Variants in SPOCK3 observed in about 807,000 individuals in gnomAD.
SPOCK3 encodes the protein testican-3.
A neutral mutation model predicts 56.6 loss-of-function variants in SPOCK3; 30 were observed. That is an observed-to-expected ratio of 0.53 (90% confidence interval 0.40 to 0.72). SPOCK3 has a LOEUF of 0.72. Among genes scored for constraint, SPOCK3 ranks in the 30% least tolerant of loss-of-function variants. The pLI, the probability that SPOCK3 is intolerant of heterozygous loss-of-function variation, is 0.00. For missense variants in SPOCK3, 527 were observed against 530.0 expected, an observed-to-expected ratio of 0.99 and a Z score of 0.06; for synonymous variants, 196 against 183.3, an observed-to-expected ratio of 1.07 and a Z score of -0.56.
intron 6 of SPOCK3, among the ~76,000 whole-genome samples, chr4:166,800,183 G>GAAACAAAAAAAAAAAAAA (rs1742413958): frequency 1.9e-5 from 1 of 51,776 alleles, no homozygotes; most frequent in Non-Finnish European, 3.6e-5. Flanking sequence ...CTCCATCTCA[G>GAAACAAAAAAAAAAAAAA]AAAAAAAAAA....
chr4:167,202,730 T>G (rs2110937820), intron 2 of SPOCK3, among the ~76,000 whole-genome samples: 1 of 151,798 alleles, frequency 6.6e-6, no homozygotes, highest in Admixed American at 6.6e-5. Flanking sequence ...AAATGAACTG[T>G]TCCCAAAATA....
intron 2 of SPOCK3, among the ~76,000 whole-genome samples, chr4:167,204,320 T>A (rs1013101093): frequency 6.6e-6 from 1 of 152,062 alleles, no homozygotes; most frequent in Non-Finnish European, 1.5e-5. Context: ...CTCACACTGC[T>A]ACGAAGAAAT....
intron 2 of SPOCK3, among the ~76,000 whole-genome samples, chr4:167,074,052 T>C (rs1304973001): frequency 2.7e-5 from 4 of 148,666 alleles, no homozygotes; most frequent in Admixed American, 2.7e-4. Flanking sequence ...CAACACACTT[T>C]CTAAAAAAAA....
chr4:166,787,921 C>A (rs2126640234), intron 7 of SPOCK3, among the ~76,000 whole-genome samples: 1 of 152,206 alleles, frequency 6.6e-6, no homozygotes, highest in South Asian at 2.1e-4. Flanking sequence ...GTGGCTCATA[C>A]CTGTAATCCC....
At chr4:166,766,754 G>C (rs1738128397) in intron 7 of SPOCK3, among the ~76,000 whole-genome samples, 1 of 152,146 alleles carries the variant, frequency 6.6e-6, no homozygotes, top group Admixed American at 6.5e-5. Flanking sequence ...AATAGTTTCA[G>C]AAGGAATGGT....
chr4:166,817,173 CACA>C (rs1744462261), intron 6 of SPOCK3, among the ~76,000 whole-genome samples: 5 of 152,024 alleles, frequency 3.3e-5, no homozygotes, highest in Admixed American at 3.3e-4. Flanking sequence ...GGCCAGATGA[CACA>C]ACAAGGACAG....
At chr4:166,932,628 T>C (rs1739921606) in intron 4 of SPOCK3, among the ~76,000 whole-genome samples, 1 of 152,284 alleles carries the variant, frequency 6.6e-6, no homozygotes, top group East Asian at 1.9e-4. Flanking sequence ...TTGGTGAATG[T>C]CAACTGATTT....
At chr4:166,925,676 AT>A (rs57461276) in intron 4 of SPOCK3, among the ~76,000 whole-genome samples, 32 of 150,144 alleles carry the variant, frequency 2.1e-4, no homozygotes, top group East Asian at 9.8e-4. Context: ...TCCAAGGTAA[AT>A]TTTTTTTTTT....
intron 6 of SPOCK3, among the ~76,000 whole-genome samples, chr4:166,843,113 C>T (rs555578441): frequency 3.3e-5 from 5 of 152,296 alleles, no homozygotes; most frequent in South Asian, 4.1e-4. Flanking sequence ...GCTCTGAGTG[C>T]GGGGCCCGCC....
Position 166,945,364 on chromosome 4 carries a change from C to T in SPOCK3, c.351-32621G>A, listed in dbSNP as rs1175566688. Among the ~76,000 whole-genome samples, 4 of 152,222 alleles carry T rather than the reference C, an allele frequency of 2.6e-5. No individual in the cohort carries two copies. In the South Asian group the frequency reaches 8.3e-4, roughly 32 times the overall value. ...ACTATAGGTTTTCAAAATTATAAATCATGATGATTCTAATATAACACTTCA... is the reference window on the plus strand; with the variant it reads ...ACTATAGGTTTTCAAAATTATAAATTATGATGATTCTAATATAACACTTCA... On this transcript the variant is annotated intron_variant, in intron 4 of 10. Coordinates refer to ENST00000357545, the MANE Select transcript of SPOCK3 (RefSeq NM_001040159.2).
rs1312311316 is a variant in SPOCK3 at position 166,845,132 on chromosome 4, G to A, written c.589+43998C>T. ...TTTCTACTGTAACCCACATTATTCA[G>A]TAATATTGTACATTAAATAATTTAT... On this transcript the variant is annotated intron_variant, in intron 6 of 10. Transcript: ENST00000357545. 2.6e-5 allele frequency among the ~76,000 whole-genome samples: 4 copies of A among 152,116 alleles called. No homozygotes were observed. The East Asian group carries it at 7.7e-4, about 29-fold the overall frequency.
rs1561225428 is a variant in SPOCK3 at position 167,109,408 on chromosome 4, A to AT, written c.190-46872_190-46871insA. Among the ~76,000 whole-genome samples, 123 of 87,422 alleles carry AT rather than the reference A, an allele frequency of 1.4e-3. 3 individuals carry two copies. The highest frequency in any genetic ancestry group is 5.1e-3 in the African/African-American group (117 of 22,958). 57.4% of individuals were successfully genotyped at this position (87,422 alleles called of 152,430 possible). On this transcript the variant is annotated intron_variant, in intron 2 of 10. Coordinates refer to ENST00000357545, the MANE Select transcript of SPOCK3 (RefSeq NM_001040159.2). ...ATATATAAATATATATTTATATATA[A>AT]ATATATATATAAATATATATATGAT...
At chr4:167,176,422 A>G (rs1026515155) in intron 2 of SPOCK3, among the ~76,000 whole-genome samples, 2 of 152,076 alleles carry the variant, frequency 1.3e-5, no homozygotes, top group African/African-American at 4.8e-5. Flanking sequence ...TCATCTTCCC[A>G]ACCACTTTAT....
intron 7 of SPOCK3, among the ~76,000 whole-genome samples, chr4:166,763,430 C>T (rs929459259): frequency 2.6e-5 from 4 of 151,918 alleles, no homozygotes; most frequent in African/African-American, 9.7e-5. Flanking sequence ...AATACCATGA[C>T]AGAGAATGTA....
chr4:166,842,505 A>T (rs541744184), intron 6 of SPOCK3, among the ~76,000 whole-genome samples: 85 of 152,194 alleles, frequency 5.6e-4, no homozygotes, highest in African/African-American at 2.0e-3. Context: ...TGATTGGTGC[A>T]TTTACAAACC....
chr4:166,999,740 T>G (rs1417061158), intron 4 of SPOCK3, among the ~76,000 whole-genome samples: 1 of 152,146 alleles, frequency 6.6e-6, no homozygotes, highest in East Asian at 1.9e-4. Context: ...TATTTCTAAA[T>G]TACTGGTCCT....
intron 2 of SPOCK3, among the ~76,000 whole-genome samples, chr4:167,225,138 C>G (rs1257182577): frequency 6.6e-6 from 1 of 152,096 alleles, no homozygotes; most frequent in Non-Finnish European, 1.5e-5. Flanking sequence ...CAGGAAGAAT[C>G]TACCTCACAC....
At chr4:167,169,837 G>A (rs1251743390) in intron 2 of SPOCK3, among the ~76,000 whole-genome samples, 6 of 152,040 alleles carry the variant, frequency 3.9e-5, no homozygotes, top group Non-Finnish European at 7.4e-5. Context: ...GAATCATGAG[G>A]TGGTTTTCCC....
Position 166,734,287 on chromosome 4 carries a change from C to G in SPOCK3, c.*634G>C, listed in dbSNP as rs1734006198. 2 of 151,796 alleles carry G rather than the reference C, an allele frequency of 1.3e-5. No individual in the cohort carries two copies. The highest frequency in any genetic ancestry group is 4.8e-5 in the African/African-American group (2 of 41,416). The allele number at this position is 151,796 out of a possible 1,614,324, so 9.4% of individuals were successfully genotyped here. On this transcript the variant is annotated 3_prime_UTR_variant, in exon 11 of 11. Transcript: ENST00000357545. ...GGAGAACAACTAAATTTTTAACTTT[C>G]AGAATCCATGGTTTTCCATACTTGC...
Sources: gnomAD v4.1 joint callset for allele counts (sites outside exome capture counted in the v4.1 genomes callset) on GRCh38, gnomAD v4.1.1 for gene constraint, MANE v1.5 for transcripts, NCBI Gene and HGNC (gene_info 2026-07-23, HGNC 2026-07-21) for gene names.